UNKL: variants seen among roughly 807,000 people sequenced by gnomAD.
UNKL encodes unk like zinc finger, also known as putative E3 ubiquitin-protein ligase UNKL.
Under a neutral mutation model 78.0 loss-of-function variants are expected in UNKL, and 60 were observed. The observed-to-expected ratio is 0.77, with a 90% CI of 0.63 to 0.95. The LOEUF is 0.95. Ranked by LOEUF, UNKL falls within the 40% of genes least tolerant of loss-of-function variation. UNKL has a pLI of 0.00. For missense variants in UNKL, 1,159 were observed against 1,045.7 expected (o/e 1.11, Z -1.49); for synonymous variants, 608 against 474.8 (o/e 1.28, Z -3.65).
chr16:1,396,024 C>A (rs2037244977), intron 6 of UNKL, among the ~76,000 whole-genome samples: 1 of 151,780 alleles, frequency 6.6e-6, no homozygotes, highest in Non-Finnish European at 1.5e-5. Flanking sequence ...CTCACTGCAA[C>A]CTCAGCCTCC....
At position 1,380,625 on chromosome 16, in the gene UNKL, GA is replaced by G. The variant is rs71299910; in HGVS notation, c.1264+4582del. On this transcript the variant is annotated intron_variant, in intron 10 of 14. Coordinates refer to ENST00000389221, the MANE Select transcript of UNKL (RefSeq NM_001372107.1). ...CTCTAACTAAGGCAGTGTCGATCCT[GA>G]AAAAAAAAAAAAATCCATCTCTTCA... Among the ~76,000 whole-genome samples, 271 of 133,130 alleles carry G rather than the reference GA, an allele frequency of 2.0e-3. 3 individuals are homozygous for G. Among genetic ancestry groups the G allele is most frequent in the African/African-American group, 6.3e-3 (221 of 35,100 alleles). The allele number at this position is 133,130 out of a possible 152,430, so 87.3% of individuals were successfully genotyped here.
chr16:1,413,122 G>T (rs1457425335), intron 2 of UNKL, among the ~76,000 whole-genome samples: 1 of 151,994 alleles, frequency 6.6e-6, no homozygotes, highest in African/African-American at 2.4e-5. Context: ...GCATGAGCCT[G>T]TAGTCCCAGC....
rs1487861241 is a variant in UNKL, at chr16:1,413,932, G to A, written c.201C>T (p.Arg67=). The change falls in exon 2 of 15, where the codon CGC becomes CGT. Residue 67 remains arginine (R), a synonymous_variant. Coordinates refer to ENST00000389221, the MANE Select transcript of UNKL (RefSeq NM_001372107.1). ...TGTAGTTGAAGGTGCCGTCGCGCCTGCGGAGGGGCCTGCGGCGCCGCTGGT... is the reference window on the plus strand; with the variant it reads ...TGTAGTTGAAGGTGCCGTCGCGCCTACGGAGGGGCCTGCGGCGCCGCTGGT... ...FLNQRRRRPL[R]RRDGTFNYSP... The A allele has an allele frequency of 6.4e-7, 1 of 1,555,672 alleles. No homozygotes were observed. The highest frequency in any genetic ancestry group is 8.7e-7 in the Non-Finnish European group (1 of 1,149,890).
intron 10 of UNKL, among the ~76,000 whole-genome samples, chr16:1,374,438 T>C (rs1179074001): frequency 6.6e-6 from 1 of 152,090 alleles, no homozygotes; most frequent in African/African-American, 2.4e-5. Context: ...CCCTTCCTCC[T>C]GTCCTCACCT....
intron 2 of UNKL, among the ~76,000 whole-genome samples, chr16:1,406,844 G>C (rs570928029): frequency 1.3e-5 from 2 of 152,184 alleles, no homozygotes; most frequent in South Asian, 2.1e-4. Context: ...TTAATAGAAA[G>C]ATCAGACTCC....
intron 6 of UNKL, 111 bp from the exon 7 acceptor site, chr16:1,394,326 A>G (rs990453836): frequency 7.6e-6 from 10 of 1,324,002 alleles, no homozygotes; most frequent in Middle Eastern, 1.8e-4. Flanking sequence ...GTAACAAGAC[A>G]CCCCTGAAAA....
intron 6 of UNKL, 118 bp downstream of exon 6, chr16:1,397,060 G>T: frequency 8.7e-7 from 1 of 1,143,846 alleles, no homozygotes; most frequent in Non-Finnish European, 1.2e-6. Context: ...CCCGACCTGT[G>T]CCAGCCCTCG....
intron 10 of UNKL, chr16:1,378,784 C>T (rs1289376802): frequency 6.6e-6 from 1 of 152,058 alleles, no homozygotes; most frequent in African/African-American, 2.4e-5. Context: ...AAGAGAGCAC[C>T]GGAGAGGGTC....
chr16:1,398,681 A>AGCCCCCCCCCCCC, intron 5 of UNKL: 1 of 694,434 alleles, frequency 1.4e-6, no homozygotes, highest in Non-Finnish European at 1.9e-6. Context: ...TGGGGTCTGC[A>AGCCCCCCCCCCCC]CCCCCCCACC....
rs554969661 is a variant in UNKL at position 1,401,460 on chromosome 16, A to G, written c.598+108T>C. The G allele has an allele frequency of 5.4e-6, 7 of 1,301,850 alleles. No individual in the cohort carries two copies. The East Asian group carries it at 2.0e-4, about 37-fold the overall frequency. The allele number at this position is 1,301,850 out of a possible 1,614,324, so 80.6% of individuals were successfully genotyped here. A position where few individuals can be genotyped will look rare whatever the true frequency, so the allele number is the denominator to read the frequency against. On this transcript the variant is annotated intron_variant, in intron 4 of 14. Coordinates refer to ENST00000389221, the MANE Select transcript of UNKL (RefSeq NM_001372107.1). The stretch of plus-strand genomic sequence containing the variant: ...CCACGAGCCTCGGTTTCCCCATCTG[A>G]TCACCTTGCACGTAAACTGAAAGGC...
At chr16:1,380,529 G>A (rs1199483332) in intron 10 of UNKL, among the ~76,000 whole-genome samples, 1 of 150,644 alleles carries the variant, frequency 6.6e-6, no homozygotes, top group Non-Finnish European at 1.5e-5. Flanking sequence ...ATGGACAGAG[G>A]AAAAAAGTGA....
chr16:1,372,057 C>T (rs1161017902), intron 10 of UNKL, among the ~76,000 whole-genome samples: 1 of 151,428 alleles, frequency 6.6e-6, no homozygotes, highest in Non-Finnish European at 1.5e-5. Flanking sequence ...GAGATCGAGA[C>T]CATCCTGGCT....
rs1431845242 is a variant in UNKL, at chr16:1,411,552, C to T, written c.287+2294G>A. Among the ~76,000 whole-genome samples the T allele has an allele frequency of 2.6e-5, 4 of 151,830 alleles. 1 individual carries two copies. Among genetic ancestry groups the T allele is most frequent in the African/African-American group, 7.2e-5 (3 of 41,390 alleles). ...GTCTCAAAAAACAAAAACAGCCGGG[C>T]GCGGTGGCTCATGCCTGTAATCCCA... On this transcript the variant is annotated intron_variant, in intron 2 of 14. Coordinates refer to ENST00000389221, the MANE Select transcript of UNKL (RefSeq NM_001372107.1).
chr16:1,399,257 A>G lies in UNKL; in HGVS notation c.734+117T>C, dbSNP rs1596744360. 7.1e-7 allele frequency: 1 copy of G among 1,408,442 alleles called. No homozygotes were observed. The highest frequency in any genetic ancestry group is 9.3e-7 in the Non-Finnish European group (1 of 1,077,560). The allele number at this position is 1,408,442 out of a possible 1,614,324, so 87.2% of individuals were successfully genotyped here. A position where few individuals can be genotyped will look rare whatever the true frequency, so the allele number is the denominator to read the frequency against. ...TTGGAGATGCCCTCCCCTCCCGGGG[A>G]TGATGGTGCCACAAGGGCAGCCCTC... On this transcript the variant is annotated intron_variant, in intron 5 of 14. Transcript: ENST00000389221. This position sits in a 1 kb window ranked among gnomAD's most constrained non-coding sequence, Gnocchi z 5.8.
chr16:1,386,502 C>G (rs540229720), intron 9 of UNKL, among the ~76,000 whole-genome samples: 1 of 152,066 alleles, frequency 6.6e-6, no homozygotes, highest in South Asian at 2.1e-4. Context: ...TGTGGTGAGC[C>G]GAGATCGCAC....
Position 1,387,087 on chromosome 16 carries a change from C to T in UNKL, c.1087-1702G>A, listed in dbSNP as rs2036846587. Among the ~76,000 whole-genome samples the T allele has an allele frequency of 6.6e-6, 1 of 151,570 alleles. No homozygotes were observed. The highest frequency in any genetic ancestry group is 6.6e-5 in the Admixed American group (1 of 15,220). On this transcript the variant is annotated intron_variant, in intron 9 of 14. Transcript: ENST00000389221. This position sits in a 1 kb window ranked among gnomAD's most constrained non-coding sequence, Gnocchi z 4.1. ...TACACCGCAGACCCTCCCAGCCATG[C>T]AGCACCGGGGACCCTCCCAGCAATG...
chr16:1,368,726 C>G (rs891481888), intron 12 of UNKL, among the ~76,000 whole-genome samples: 1 of 147,230 alleles, frequency 6.8e-6, no homozygotes, highest in Non-Finnish European at 1.5e-5. Flanking sequence ...CATGGTGAAA[C>G]TCCATCTCTA....
chr16:1,393,332 C>A (rs982185086), intron 7 of UNKL, among the ~76,000 whole-genome samples: 8 of 152,168 alleles, frequency 5.3e-5, no homozygotes, highest in African/African-American at 1.9e-4. Flanking sequence ...TGGGTTCCCA[C>A]TGAACCCAAA....
intron 10 of UNKL, among the ~76,000 whole-genome samples, chr16:1,376,670 C>T (rs1405823324): frequency 6.7e-6 from 1 of 149,816 alleles, no homozygotes; most frequent in African/African-American, 2.5e-5. Flanking sequence ...CCTGCAGTAG[C>T]ACCCTGCGAT....
Sources: gnomAD v4.1 joint callset for allele counts (sites outside exome capture counted in the v4.1 genomes callset) on GRCh38, gnomAD v4.1.1 for gene constraint, Gnocchi (gnomAD v3.1) non-coding constraint, MANE v1.5 for transcripts, NCBI Gene and HGNC (gene_info 2026-07-23, HGNC 2026-07-21) for gene names.